The following DTD2 variants were observed in gnomAD, a reference collection of about 807,000 sequenced individuals.
DTD2 encodes the protein D-aminoacyl-tRNA deacylase 2.
A neutral mutation model predicts 15.5 loss-of-function variants in DTD2; 12 were observed. The ratio of observed to expected loss-of-function variants is 0.77; its 90% CI spans 0.50 to 1.25. The LOEUF is 1.25. Among genes scored for constraint, DTD2 ranks in the 50% most tolerant of loss-of-function variants. The pLI, the probability that DTD2 is intolerant of heterozygous loss-of-function variation, is 0.00. For synonymous variants in DTD2, 59 were observed against 77.3 expected (o/e 0.76, Z 1.24); for missense variants, 170 against 201.1 (o/e 0.85, Z 0.93).
chr14:31,455,438 C>G (rs1199178590), intron 1 of DTD2, among the ~76,000 whole-genome samples: 1 of 148,036 alleles, frequency 6.8e-6, no homozygotes, highest in Non-Finnish European at 1.5e-5. Flanking sequence ...GTGGTCCCAG[C>G]TGCTTGGGAG....
intron 2 of DTD2, 108 bp from the exon 3 acceptor site, chr14:31,448,562 C>A: frequency 1.1e-6 from 1 of 929,276 alleles, no homozygotes; most frequent in Middle Eastern, 2.7e-4. Flanking sequence ...TTTGTCAGCT[C>A]ATGCCTCTAA....
In DTD2 at chr14:31,448,014, T is replaced by C; in HGVS notation, c.*115A>G. On this transcript the variant is annotated 3_prime_UTR_variant, in exon 3 of 3. Coordinates refer to ENST00000310850, the MANE Select transcript of DTD2 (RefSeq NM_080664.3). ...CAGAGTTATATATGAAACCCAAGATTTTCCTGTCTAAAAATGCTGAAGATT... is the reference window on the plus strand; with the variant it reads ...CAGAGTTATATATGAAACCCAAGATCTTCCTGTCTAAAAATGCTGAAGATT... The C allele has an allele frequency of 1.1e-6, 1 of 935,092 alleles. No individual in the cohort carries two copies. The highest frequency in any genetic ancestry group is 1.6e-6 in the Non-Finnish European group (1 of 626,474). 57.9% of individuals were successfully genotyped at this position (935,092 alleles called of 1,614,324 possible).
chr14:31,450,188 A>G (rs10137265), intron 2 of DTD2, among the ~76,000 whole-genome samples: 147,249 of 152,256 alleles, frequency 0.97, 71,360 homozygotes, highest in Middle Eastern at 1. Context: ...ATGTTTCCAC[A>G]TACCTCCCTC....
rs777747350 is a variant in DTD2, at chr14:31,448,362, G to C, written c.274C>G (p.Gln92Glu). The change falls in exon 3 of 3, where the codon CAA becomes GAA. Residue 92 changes from glutamine to glutamate, a missense_variant. Physicochemically the swap from Gln to Glu is conservative, Grantham distance 29. Transcript: ENST00000310850. The part of the protein sequence containing the change: ...DLPGNILIIP[Q>E]ATLGGRLKGR... ...TTTAGTCTTCCTCCAAGGGTAGCTT[G>C]AGGGATAATAAGAATGTTGCCAGGT... 6.2e-7 allele frequency: 1 copy of C among 1,614,098 alleles called. No individual in the cohort carries two copies. Among genetic ancestry groups the C allele is most frequent in the African/African-American group, 1.3e-5 (1 of 74,944 alleles).
At chr14:31,448,868 CTGCTTGCT>C (rs911812940) in intron 2 of DTD2, among the ~76,000 whole-genome samples, 4 of 152,104 alleles carry the variant, frequency 2.6e-5, no homozygotes, top group East Asian at 3.9e-4. Flanking sequence ...ACACCAAATT[CTGCTTGCT>C]TGCTTGCTTG....
At chr14:31,452,178 G>T (rs1566796830) in intron 2 of DTD2, 1 of 152,182 alleles carries the variant, frequency 6.6e-6, no homozygotes, top group Non-Finnish European at 1.5e-5. Flanking sequence ...TTTCCACAAG[G>T]AAGTGCACAC....
Position 31,447,139 on chromosome 14 carries a change from ATATATC to A in DTD2, c.*984_*989del, listed in dbSNP as rs2031969004. The A allele has an allele frequency of 6.6e-6, 1 of 152,152 alleles. No homozygotes were observed. The highest frequency in any genetic ancestry group is 2.4e-5 in the African/African-American group (1 of 41,426). The allele number at this position is 152,152 out of a possible 1,614,324, so 9.4% of individuals were successfully genotyped here. The stretch of plus-strand genomic sequence containing the variant: ...ACACAATAACCCTTCTATATTACAT[ATATATC>A]TATATGTATATGTATATGTTAGAGA... On this transcript the variant is annotated 3_prime_UTR_variant, in exon 3 of 3. Transcript: ENST00000310850.
chr14:31,450,007 A>G (rs1054390021), intron 2 of DTD2, among the ~76,000 whole-genome samples: 1 of 152,194 alleles, frequency 6.6e-6, no homozygotes, highest in African/African-American at 2.4e-5. Context: ...TCTATTACAA[A>G]TAGGACTTTG....
intron 1 of DTD2, 138 bp downstream of exon 1, chr14:31,457,145 G>A: frequency 1.3e-6 from 1 of 798,122 alleles, no homozygotes; most frequent in Non-Finnish European, 2.0e-6. Context: ...ACCGCGGCCA[G>A]CTTCAAGCTG....
rs377356312 is a variant in DTD2 at position 31,457,406 on chromosome 14, C to G, written c.-13G>C. 2 of 1,475,038 alleles carry G rather than the reference C, an allele frequency of 1.4e-6. No homozygotes were observed. The allele number at this position is 1,475,038 out of a possible 1,614,324, so 91.4% of individuals were successfully genotyped here. Reference sequence around the variant, plus strand: ...TACCCTCAGCCATGGCTTAAGCCAGCGCCGCGGCCGGACAGTTACTAGGCC... The same window carrying G: ...TACCCTCAGCCATGGCTTAAGCCAGGGCCGCGGCCGGACAGTTACTAGGCC... On this transcript the variant is annotated 5_prime_UTR_variant, in exon 1 of 3. Transcript: ENST00000310850.
intron 2 of DTD2, among the ~76,000 whole-genome samples, chr14:31,448,833 A>G (rs1467527513): frequency 6.6e-6 from 1 of 152,188 alleles, no homozygotes; most frequent in Non-Finnish European, 1.5e-5. Context: ...ATCCCACTGG[A>G]AAAATATGAG....
At chr14:31,452,342 CTCCCTGTGTGACCACCCTACT>C (rs1264424840) in intron 2 of DTD2, 1 of 152,274 alleles carries the variant, frequency 6.6e-6, no homozygotes, top group Non-Finnish European at 1.5e-5. Context: ...GCATCTGTTT[CTCCCTGTGTGACCACCCTACT>C]TCCAAGAAGT....
At position 31,446,857 on chromosome 14, in the gene DTD2, A is replaced by G. The variant is rs2031965644; in HGVS notation, c.*1272T>C. On this transcript the variant is annotated 3_prime_UTR_variant, in exon 3 of 3. Transcript: ENST00000310850. ...AAGCTTCCCTTTTTCTCCCTTTTACAGCAATCTAATTCAATGGAAAAGGAA... is the reference window on the plus strand; with the variant it reads ...AAGCTTCCCTTTTTCTCCCTTTTACGGCAATCTAATTCAATGGAAAAGGAA... The G allele has an allele frequency of 6.6e-6, 1 of 152,348 alleles. No individual in the cohort carries two copies. The highest frequency in any genetic ancestry group is 2.4e-5 in the African/African-American group (1 of 41,592). 9.4% of individuals were successfully genotyped at this position (152,348 alleles called of 1,614,324 possible). A position where few individuals can be genotyped will look rare whatever the true frequency, so the allele number is the denominator to read the frequency against.
chr14:31,447,952 T>C lies in DTD2; in HGVS notation c.*177A>G, dbSNP rs572250936. 8.2e-5 allele frequency: 47 copies of C among 572,338 alleles called. No individual in the cohort carries two copies. The East Asian group carries it at 1.2e-3, about 14-fold the overall frequency. The allele number at this position is 572,338 out of a possible 1,614,324, so 35.5% of individuals were successfully genotyped here. On this transcript the variant is annotated 3_prime_UTR_variant, in exon 3 of 3. Coordinates refer to ENST00000310850, the MANE Select transcript of DTD2 (RefSeq NM_080664.3). Reference sequence around the variant, plus strand: ...GACAAAAGGTGACTGAGATCCAGAGTTTAGGTGACTTGGCAAAGTCATCCA... The same window carrying C: ...GACAAAAGGTGACTGAGATCCAGAGCTTAGGTGACTTGGCAAAGTCATCCA...
At position 31,446,129 on chromosome 14, in the gene DTD2, G is replaced by A. The variant is rs1323234434; in HGVS notation, c.*2000C>T. 3 of 152,154 alleles carry A rather than the reference G, an allele frequency of 2.0e-5. No individual in the cohort carries two copies. Among genetic ancestry groups the A allele is most frequent in the Non-Finnish European group, 4.4e-5 (3 of 68,020 alleles). The allele number at this position is 152,154 out of a possible 1,614,324, so 9.4% of individuals were successfully genotyped here. A position where few individuals can be genotyped will look rare whatever the true frequency, so the allele number is the denominator to read the frequency against. On this transcript the variant is annotated 3_prime_UTR_variant, in exon 3 of 3. Coordinates refer to ENST00000310850, the MANE Select transcript of DTD2 (RefSeq NM_080664.3). ...GGACAATGAGCTCATTACCAAGCCA[G>A]TTATTGATTCTCTGGTTCCAAAATA...
At position 31,448,384 on chromosome 14, in the gene DTD2, A is replaced by G. The variant is rs771025566; in HGVS notation, c.252T>C (p.Pro84=). 3.1e-6 allele frequency: 5 copies of G among 1,614,214 alleles called. No individual in the cohort carries two copies. The South Asian group carries it at 4.4e-5, about 14-fold the overall frequency. Residue 84 remains proline (P), a synonymous_variant, in exon 3 of 3, where the codon CCT becomes CCC. Transcript: ENST00000310850. ...CTTGAGGGATAATAAGAATGTTGCC[A>G]GGTAGATCCAATATAGAGACATGCT... ...NGKHVSILDL[P]GNILIIPQAT...
At chr14:31,451,446 C>CCTCT (rs71430960) in intron 2 of DTD2, among the ~76,000 whole-genome samples, 23 of 150,486 alleles carry the variant, frequency 1.5e-4, no homozygotes, top group Non-Finnish European at 3.0e-4. Context: ...CCGCGCCTGG[C>CCTCT]CTCTCTCTCT....
At chr14:31,456,978 A>C in intron 1 of DTD2, 1 of 402,486 alleles carries the variant, frequency 2.5e-6, no homozygotes, top group Non-Finnish European at 4.5e-6. Flanking sequence ...ACGAGCTGCA[A>C]GGGGTCTGAG....
intron 2 of DTD2, among the ~76,000 whole-genome samples, chr14:31,450,647 G>A (rs1405784328): frequency 6.6e-6 from 1 of 152,110 alleles, no homozygotes. Context: ...AATAATAGAT[G>A]GACTTACTTT....
Sources: gnomAD v4.1 joint callset for allele counts (sites outside exome capture counted in the v4.1 genomes callset) on GRCh38, gnomAD v4.1.1 for gene constraint, MANE v1.5 for transcripts, NCBI Gene and HGNC (gene_info 2026-07-23, HGNC 2026-07-21) for gene names.